NTRK3: variants seen among roughly 807,000 people sequenced by gnomAD.
The protein encoded by NTRK3 is NT-3 growth factor receptor.
NTRK3 carries 24 observed loss-of-function variants against 91.7 expected under a neutral mutation model. The ratio of observed to expected loss-of-function variants is 0.26; its 90% CI spans 0.19 to 0.37. NTRK3 has a LOEUF of 0.37. NTRK3 is among the 10% of genes least tolerant of loss of function. The probability of loss-of-function intolerance (pLI) is 1.00; values close to 1 mark genes in which losing one functional copy is unlikely to be tolerated. For missense variants in NTRK3, 880 were observed against 1,068.9 expected, an observed-to-expected ratio of 0.82 and a Z score of 2.46; for synonymous variants, 483 against 404.0, an observed-to-expected ratio of 1.20 and a Z score of -2.34.
intron 14 of NTRK3, among the ~76,000 whole-genome samples, chr15:87,984,033 G>T (rs187077316): frequency 1.3e-4 from 20 of 152,204 alleles, no homozygotes; most frequent in African/African-American, 4.3e-4. Context: ...GTCTGGTCAC[G>T]GACCCCTTCA....
intron 14 of NTRK3, among the ~76,000 whole-genome samples, chr15:87,972,933 T>C (rs1032597865): frequency 2.0e-5 from 3 of 152,280 alleles, no homozygotes; most frequent in East Asian, 3.9e-4. Context: ...CCCTGTGGGA[T>C]CTGTGCTCCT....
chr15:88,088,019 C>G (rs962375069), intron 13 of NTRK3, among the ~76,000 whole-genome samples: 6 of 152,194 alleles, frequency 3.9e-5, no homozygotes, highest in African/African-American at 1.2e-4. Context: ...CCACTCCACT[C>G]CAGCCTGGGA....
chr15:88,246,552 C>G (rs2052846848), intron 3 of NTRK3, among the ~76,000 whole-genome samples: 1 of 152,224 alleles, frequency 6.6e-6, no homozygotes, highest in Admixed American at 6.5e-5. Context: ...CACAGTGAAA[C>G]TATCTGTCAA....
chr15:88,007,443 T>C (rs1381387148), intron 14 of NTRK3, among the ~76,000 whole-genome samples: 1 of 152,078 alleles, frequency 6.6e-6, no homozygotes, highest in Non-Finnish European at 1.5e-5. Flanking sequence ...TTTTTCACAA[T>C]TAGAGCTGCC....
At chr15:87,886,675 G>GCT (rs2065553896) in intron 17 of NTRK3, among the ~76,000 whole-genome samples, 1 of 31,194 alleles carries the variant, frequency 3.2e-5, no homozygotes, top group African/African-American at 9.9e-5. Context: ...CCCACTTTTT[G>GCT]CTATATATAT....
In NTRK3 at chr15:88,024,862, G is replaced by A. The variant is rs138976132; in HGVS notation, c.1585+7995C>T. 2.2e-4 allele frequency among the ~76,000 whole-genome samples: 33 copies of A among 152,354 alleles called. 1 individual carries two copies. In the East Asian group the frequency reaches 6.2e-3, roughly 29 times the overall value. On this transcript the variant is annotated intron_variant, in intron 14 of 18. Coordinates refer to ENST00000394480, the Ensembl canonical transcript of NTRK3. Reference sequence around the variant, plus strand: ...ATGCTGTGAAGGCATGGACACATTGGTTGGTACCAAGAGGTGCCAGTCTTT... The same window carrying A: ...ATGCTGTGAAGGCATGGACACATTGATTGGTACCAAGAGGTGCCAGTCTTT...
At chr15:88,245,628 T>C (rs1306404778) in intron 3 of NTRK3, among the ~76,000 whole-genome samples, 1 of 152,144 alleles carries the variant, frequency 6.6e-6, no homozygotes, top group African/African-American at 2.4e-5. Context: ...ATGAGGGCTA[T>C]AAAAAGTATC....
At chr15:87,907,548 C>G (rs2066846729) in intron 17 of NTRK3, among the ~76,000 whole-genome samples, 1 of 152,090 alleles carries the variant, frequency 6.6e-6, no homozygotes, top group Non-Finnish European at 1.5e-5. Flanking sequence ...ATATTAGAAA[C>G]CAGAAGCTTC....
At chr15:88,016,769 A>G (rs763108014) in intron 14 of NTRK3, among the ~76,000 whole-genome samples, 2 of 152,208 alleles carry the variant, frequency 1.3e-5, no homozygotes, top group Non-Finnish European at 2.9e-5. Flanking sequence ...CATAATGTAG[A>G]ACGTCAGTAA....
At position 87,898,220 on chromosome 15, in the gene NTRK3, T is replaced by C. The variant is rs16940990; in HGVS notation, c.2134-17792A>G. Reference sequence around the variant, plus strand: ...CAATGAGACAATAATCCCAAATGTATGGATGAGAAACCACTTCAGGGATGA... The same window carrying C: ...CAATGAGACAATAATCCCAAATGTACGGATGAGAAACCACTTCAGGGATGA... On this transcript the variant is annotated intron_variant, in intron 17 of 18. Transcript: ENST00000394480. Among the ~76,000 whole-genome samples the C allele has an allele frequency of 7.5e-3, 1,144 of 152,324 alleles. 18 individuals are homozygous for C. The highest frequency in any genetic ancestry group is 0.026 in the African/African-American group (1,079 of 41,566).
At chr15:88,044,254 C>CTTTTTTT (rs1181028004) in intron 13 of NTRK3, among the ~76,000 whole-genome samples, 198 of 78,478 alleles carry the variant, frequency 2.5e-3, no homozygotes, top group Non-Finnish European at 3.4e-3. Context: ...AGTCTATGTT[C>CTTTTTTT]TTTTTTTTTT....
At chr15:87,937,618 C>T (rs1480481866) in intron 15 of NTRK3, among the ~76,000 whole-genome samples, 3 of 151,966 alleles carry the variant, frequency 2.0e-5, no homozygotes, top group African/African-American at 7.3e-5. Context: ...AATGCTAAAT[C>T]CAAATGACTA....
At chr15:88,109,990 C>G (rs2051151817) in intron 13 of NTRK3, among the ~76,000 whole-genome samples, 1 of 152,070 alleles carries the variant, frequency 6.6e-6, no homozygotes, top group African/African-American at 2.4e-5. Context: ...TCATAAAACC[C>G]TGTATGATAA....
intron 13 of NTRK3, among the ~76,000 whole-genome samples, chr15:88,054,708 G>C (rs2045531397): frequency 6.6e-6 from 1 of 151,768 alleles, no homozygotes; most frequent in African/African-American, 2.4e-5. Flanking sequence ...TTTCCCCCTG[G>C]GTCAGTGGGT....
At chr15:87,873,420 C>A (rs2064874531) in exon 19 of NTRK3, 2 of 230,684 alleles carry the variant, frequency 8.7e-6, no homozygotes, top group African/African-American at 4.4e-5. Context: ...CCCATGGCCA[C>A]AACACCCTAC....
chr15:88,060,990 T>C (rs565030609), intron 13 of NTRK3, among the ~76,000 whole-genome samples: 12 of 152,192 alleles, frequency 7.9e-5, no homozygotes, highest in Middle Eastern at 3.4e-3. Flanking sequence ...ACTATTAAAA[T>C]AGTCTTCACT....
intron 13 of NTRK3, among the ~76,000 whole-genome samples, chr15:88,089,087 C>T (rs1445938599): frequency 6.6e-6 from 1 of 151,420 alleles, no homozygotes; most frequent in Non-Finnish European, 1.5e-5. Context: ...GGCTACCTGG[C>T]CTTTGGCTGA....
At chr15:87,992,044 GCTT>G (rs1567197193) in intron 14 of NTRK3, among the ~76,000 whole-genome samples, 1 of 151,092 alleles carries the variant, frequency 6.6e-6, no homozygotes, top group Admixed American at 6.7e-5. Context: ...CTGTTTGGGG[GCTT>G]CTTAACATGT....
At chr15:87,993,399 T>G (rs1409665902) in intron 14 of NTRK3, among the ~76,000 whole-genome samples, 1 of 152,180 alleles carries the variant, frequency 6.6e-6, no homozygotes, top group East Asian at 1.9e-4. Context: ...TGAGTTGGGA[T>G]TTTTTGGCTC....
Sources: allele counts gnomAD v4.1 joint callset (sites outside exome capture counted in the v4.1 genomes callset), GRCh38; gene constraint gnomAD v4.1.1; transcripts MANE v1.5; gene names NCBI Gene and HGNC (gene_info 2026-07-23, HGNC 2026-07-21).